Variants in FRMD4B observed in about 807,000 individuals in gnomAD.
The protein encoded by FRMD4B is FERM domain-containing protein 4B.
FRMD4B carries 74 observed loss-of-function variants against 141.5 expected under a neutral mutation model. The ratio of observed to expected loss-of-function variants is 0.52; its 90% CI spans 0.43 to 0.63. The LOEUF (loss-of-function observed/expected upper bound fraction) is 0.63. FRMD4B is among the 30% of genes least tolerant of loss of function. The pLI is 0.00. For synonymous variants in FRMD4B, 506 were observed against 467.9 expected, an observed-to-expected ratio of 1.08 and a Z score of -1.05; for missense variants, 1,366 against 1,253.4, an observed-to-expected ratio of 1.09 and a Z score of -1.36.
chr3:69,176,832 A>C (rs2092651289), intron 21 of FRMD4B, among the ~76,000 whole-genome samples, 176 bp from the exon 22 acceptor site: 1 of 152,080 alleles, frequency 6.6e-6, no homozygotes, highest in South Asian at 2.1e-4. Flanking sequence ...ACCTTAGGCA[A>C]GTAGTTTATC....
At chr3:69,224,809 C>A in intron 7 of FRMD4B, 119 bp from the exon 8 acceptor site, 1 of 647,036 alleles carries the variant, frequency 1.5e-6, no homozygotes. Context: ...AGCCAACATA[C>A]ACATGGTTAT....
At chr3:69,198,591 A>G (rs1318515558) in intron 12 of FRMD4B, 107 bp downstream of exon 12, 1 of 681,018 alleles carries the variant, frequency 1.5e-6, no homozygotes, top group African/African-American at 1.8e-5. Flanking sequence ...GTATACACCC[A>G]AGAGAAATGA....
intron 1 of FRMD4B, among the ~76,000 whole-genome samples, chr3:69,463,568 C>G (rs34058705): frequency 0.25 from 37,426 of 152,094 alleles, 4,862 homozygotes; most frequent in Middle Eastern, 0.3. Context: ...TAGCTATTAT[C>G]TTTGGCTTAT....
chr3:69,400,133 C>T (rs113922618), intron 2 of FRMD4B, among the ~76,000 whole-genome samples: 5,452 of 152,040 alleles, frequency 0.036, 332 homozygotes, highest in African/African-American at 0.12. Context: ...TGCCTGTAAT[C>T]CCAGCACATT....
intron 1 of FRMD4B, among the ~76,000 whole-genome samples, chr3:69,344,761 A>G (rs576808135): frequency 3.3e-5 from 5 of 152,266 alleles, no homozygotes; most frequent in African/African-American, 1.2e-4. Flanking sequence ...AATAGAAATG[A>G]TAGTATAAAA....
In FRMD4B at chr3:69,176,529, T is replaced by C. The variant is rs1483125204; in HGVS notation, c.2979A>G (p.Pro993=). 1 of 1,611,568 alleles carries C rather than the reference T, an allele frequency of 6.2e-7. No homozygotes were observed. The highest frequency in any genetic ancestry group is 2.2e-5 in the East Asian group (1 of 44,866). Residue 993 remains proline (P), a synonymous_variant, in exon 22 of 23, where the codon CCA becomes CCG. Transcript: ENST00000398540. The stretch of plus-strand genomic sequence containing the variant: ...TTCGAGCATTGCTTCCTCACCTGCT[T>C]GGAGAGGGTAAAGGATTATAGACAT... The part of the protein sequence containing the change: ...YGNVYNPLPS[P]SRQYTEISQL...
chr3:69,369,418 C>T (rs992523807), intron 1 of FRMD4B, among the ~76,000 whole-genome samples: 2 of 152,078 alleles, frequency 1.3e-5, no homozygotes, highest in African/African-American at 4.8e-5. Context: ...ACACAATGCA[C>T]AGATAAAAGT....
At chr3:69,379,097 G>T (rs1204292458) in intron 1 of FRMD4B, among the ~76,000 whole-genome samples, 1 of 152,102 alleles carries the variant, frequency 6.6e-6, no homozygotes, top group Non-Finnish European at 1.5e-5. Flanking sequence ...TTTTGATTTT[G>T]TGTTTCTAAC....
At chr3:69,513,440 C>T (rs1181283419) in intron 1 of FRMD4B, among the ~76,000 whole-genome samples, 5 of 152,128 alleles carry the variant, frequency 3.3e-5, no homozygotes, top group Non-Finnish European at 5.9e-5. Context: ...AAGCCCAGGA[C>T]CAGATGGCTT....
chr3:69,218,249 T>G, intron 10 of FRMD4B, 73 bp downstream of exon 10: 1 of 747,882 alleles, frequency 1.3e-6, no homozygotes, highest in Non-Finnish European at 2.3e-6. Context: ...GCCTTTTATA[T>G]AGTATGAAAA....
chr3:69,446,618 C>T (rs1246239096), intron 1 of FRMD4B, among the ~76,000 whole-genome samples: 2 of 152,192 alleles, frequency 1.3e-5, no homozygotes, highest in Non-Finnish European at 2.9e-5. Flanking sequence ...GCGTGAGTCA[C>T]CCGCGCCAGG....
chr3:69,323,021 G>C (rs1205138864), intron 1 of FRMD4B: 4 of 976,924 alleles, frequency 4.1e-6, no homozygotes, highest in Non-Finnish European at 3.6e-6. Flanking sequence ...TACATCTCTT[G>C]CAGGTTCACT....
intron 2 of FRMD4B, among the ~76,000 whole-genome samples, chr3:69,417,307 G>A (rs1042448780): frequency 2.8e-4 from 42 of 152,152 alleles, no homozygotes; most frequent in African/African-American, 7.7e-4. Context: ...GACCAGTGAC[G>A]ATGAGCTTTT....
intron 11 of FRMD4B, among the ~76,000 whole-genome samples, chr3:69,202,631 C>A (rs763914215): frequency 2.6e-5 from 4 of 152,026 alleles, no homozygotes; most frequent in Admixed American, 1.3e-4. Flanking sequence ...CTAGAAGCTA[C>A]GAGTTTGAAC....
chr3:69,308,130 T>C (rs1218084587), intron 3 of FRMD4B, among the ~76,000 whole-genome samples: 4 of 152,204 alleles, frequency 2.6e-5, no homozygotes, highest in Admixed American at 6.5e-5. Context: ...ACTCCCTTAC[T>C]GCAGTACATT....
intron 11 of FRMD4B, among the ~76,000 whole-genome samples, chr3:69,215,929 A>G (rs1462256936): frequency 6.6e-6 from 1 of 152,022 alleles, no homozygotes; most frequent in Non-Finnish European, 1.5e-5. Context: ...CAAGGTGGGC[A>G]GATCACTTGA....
intron 2 of FRMD4B, among the ~76,000 whole-genome samples, chr3:69,408,306 A>T (rs1432065861): frequency 6.6e-6 from 1 of 152,198 alleles, no homozygotes. Flanking sequence ...TTTTCAATTA[A>T]TAGTCTGTAA....
intron 5 of FRMD4B, among the ~76,000 whole-genome samples, chr3:69,267,630 TATATATAGAGAGAGAGAGAGAGAGAG>T (rs1559765468): frequency 0.017 from 185 of 10,776 alleles, no homozygotes; most frequent in East Asian, 0.039. Flanking sequence ...TATATATATA[TATATATAGAGAGAGAGAGAGAGAGAG>T]AGAGAGAGAG....
intron 1 of FRMD4B, among the ~76,000 whole-genome samples, chr3:69,441,425 T>C (rs1227794680): frequency 6.6e-6 from 1 of 152,214 alleles, no homozygotes; most frequent in Non-Finnish European, 1.5e-5. Flanking sequence ...TTCCTGCTGT[T>C]TGGGCCTCGG....
Sources: gnomAD v4.1 joint callset for allele counts (sites outside exome capture counted in the v4.1 genomes callset) on GRCh38, gnomAD v4.1.1 for gene constraint, MANE v1.5 for transcripts, NCBI Gene and HGNC (gene_info 2026-07-23, HGNC 2026-07-21) for gene names.